CHST15: variants seen among roughly 807,000 people sequenced by gnomAD.
CHST15 encodes the protein B cell RAG associated protein (GALNAC4S-6ST).
A neutral mutation model predicts 53.6 loss-of-function variants in CHST15; 30 were observed. The ratio of observed to expected loss-of-function variants is 0.56; its 90% CI spans 0.42 to 0.76. The LOEUF (loss-of-function observed/expected upper bound fraction) is 0.76, where lower values mean the gene tolerates loss of function less well. CHST15 is among the 30% of genes least tolerant of loss of function. CHST15 has a pLI of 0.00. For synonymous variants in CHST15, 296 were observed against 289.8 expected, an observed-to-expected ratio of 1.02 and a Z score of -0.22; for missense variants, 627 against 740.5, an observed-to-expected ratio of 0.85 and a Z score of 1.78.
At chr10:124,012,752 A>C (rs948339106) in intron 6 of CHST15, among the ~76,000 whole-genome samples, 4 of 152,208 alleles carry the variant, frequency 2.6e-5, no homozygotes, top group African/African-American at 9.7e-5. Flanking sequence ...TAAGGACTGA[A>C]GTGCAGGGAA....
intron 5 of CHST15, among the ~76,000 whole-genome samples, chr10:124,027,101 C>T (rs1336384111): frequency 6.6e-6 from 1 of 152,190 alleles, no homozygotes; most frequent in East Asian, 1.9e-4. Context: ...AGGACTGTTT[C>T]CAACGACAAT....
intron 1 of CHST15, among the ~76,000 whole-genome samples, chr10:124,078,634 C>G (rs544644777): frequency 2.1e-4 from 32 of 152,286 alleles, no homozygotes; most frequent in South Asian, 1.5e-3. Flanking sequence ...AATTCATCCT[C>G]CAGTATTTGT....
intron 6 of CHST15, 28 bp downstream of exon 6, chr10:124,021,228 G>A (rs749419278): frequency 6.5e-6 from 10 of 1,539,632 alleles, no homozygotes; most frequent in Admixed American, 5.7e-5. Flanking sequence ...GGGCCAGCTC[G>A]GGGGGTACGG....
chr10:124,014,322 T>C (rs898388365), intron 6 of CHST15, among the ~76,000 whole-genome samples: 5 of 152,234 alleles, frequency 3.3e-5, no homozygotes, highest in African/African-American at 1.2e-4. Flanking sequence ...CAATGAAAGA[T>C]TGGGCAAAAT....
intron 1 of CHST15, among the ~76,000 whole-genome samples, chr10:124,070,703 T>C (rs1434537851): frequency 6.6e-6 from 1 of 152,152 alleles, no homozygotes; most frequent in Non-Finnish European, 1.5e-5. Context: ...AGCCCTACTC[T>C]ATGTCAGGCT....
In CHST15 at chr10:124,044,936, G is replaced by A. The variant is rs1361161590; in HGVS notation, c.547-17C>T. The A allele has an allele frequency of 6.3e-6, 9 of 1,430,198 alleles. No homozygotes were observed. Among genetic ancestry groups the A allele is most frequent in the Non-Finnish European group, 8.3e-6 (9 of 1,086,534 alleles). 88.6% of individuals were successfully genotyped at this position (1,430,198 alleles called of 1,614,324 possible). A position where few individuals can be genotyped will look rare whatever the true frequency, so the allele number is the denominator to read the frequency against. ...TGAAAACATCTGCAAGGAAACAGAG[G>A]AGGAGAGACACAGAGGAGGGGAAAA... is the stretch of plus-strand genomic sequence containing the variant. On this transcript the variant is annotated splice_polypyrimidine_tract_variant and intron_variant, in intron 2 of 7. Coordinates refer to ENST00000435907, the MANE Select transcript of CHST15 (RefSeq NM_001270764.2).
At chr10:124,079,019 G>A (rs550198936) in intron 1 of CHST15, among the ~76,000 whole-genome samples, 18 of 152,322 alleles carry the variant, frequency 1.2e-4, no homozygotes, top group Admixed American at 5.9e-4. Context: ...CTCTGAGCAA[G>A]CATTCAGCAT....
At chr10:124,035,387 G>GCCCCCTAACAGAGACCCTGGCTCCA (rs1564869724) in intron 5 of CHST15, among the ~76,000 whole-genome samples, 42 of 83,728 alleles carry the variant, frequency 5.0e-4, no homozygotes, top group African/African-American at 2.0e-3. Flanking sequence ...CCCTGGCTCC[G>GCCCCCTAACAGAGACCCTGGCTCCA]CCCCCTAACA....
chr10:124,009,176 G>A lies in CHST15; in HGVS notation c.*973C>T. 2 of 1,183,622 alleles carry A rather than the reference G, an allele frequency of 1.7e-6. No individual in the cohort carries two copies. The highest frequency in any genetic ancestry group is 1.6e-5 in the South Asian group (1 of 64,304). 73.3% of individuals were successfully genotyped at this position (1,183,622 alleles called of 1,614,324 possible). A position where few individuals can be genotyped will look rare whatever the true frequency, so the allele number is the denominator to read the frequency against. On this transcript the variant is annotated 3_prime_UTR_variant, in exon 8 of 8. Coordinates refer to ENST00000435907, the MANE Select transcript of CHST15 (RefSeq NM_001270764.2). ...AAAAATTAAAATCCTCTGTTTCTCT[G>A]ATGATCTTGTAAACCTGATGAGGGC...
chr10:124,043,152 G>C (rs1476803403), intron 3 of CHST15, among the ~76,000 whole-genome samples: 2 of 152,204 alleles, frequency 1.3e-5, no homozygotes, highest in East Asian at 3.8e-4. Flanking sequence ...ATGGAAATTG[G>C]AAAGAGAACA....
intron 6 of CHST15, among the ~76,000 whole-genome samples, chr10:124,015,164 A>G (rs1046682752): frequency 1.3e-5 from 2 of 152,152 alleles, no homozygotes; most frequent in Non-Finnish European, 2.9e-5. Flanking sequence ...CAGTATCACT[A>G]CTGCAACCAT....
intron 5 of CHST15, among the ~76,000 whole-genome samples, chr10:124,032,094 C>T (rs1227079345): frequency 3.3e-5 from 5 of 152,212 alleles, no homozygotes; most frequent in African/African-American, 1.2e-4. Flanking sequence ...TCATTAAAAG[C>T]CTGCTTCCTT....
At chr10:124,070,956 C>T (rs569707286) in intron 1 of CHST15, among the ~76,000 whole-genome samples, 5 of 152,286 alleles carry the variant, frequency 3.3e-5, no homozygotes, top group South Asian at 4.1e-4. Flanking sequence ...CCAGAAACAG[C>T]GGGGCAAAGG....
At chr10:124,088,591 C>T (rs1488340265) in intron 1 of CHST15, among the ~76,000 whole-genome samples, 2 of 152,198 alleles carry the variant, frequency 1.3e-5, no homozygotes, top group South Asian at 2.1e-4. Flanking sequence ...CTGCCTCTAC[C>T]GTCATTCCCA....
At chr10:124,033,899 C>T (rs1947321256) in intron 5 of CHST15, among the ~76,000 whole-genome samples, 1 of 152,216 alleles carries the variant, frequency 6.6e-6, no homozygotes, top group African/African-American at 2.4e-5. Context: ...TCCTGACCCC[C>T]AGAAACTGTT....
At chr10:124,048,400 G>T (rs946182175) in intron 1 of CHST15, among the ~76,000 whole-genome samples, 2 of 152,198 alleles carry the variant, frequency 1.3e-5, no homozygotes, top group African/African-American at 2.4e-5. Flanking sequence ...CCTGAGTCCT[G>T]CAGAGGCGCT....
chr10:124,087,171 C>A (rs1949457649), intron 1 of CHST15, among the ~76,000 whole-genome samples: 1 of 152,196 alleles, frequency 6.6e-6, no homozygotes, highest in Non-Finnish European at 1.5e-5. Flanking sequence ...CTCTGAAATG[C>A]AGGCTCTGGC....
At chr10:124,025,410 C>T (rs912257855) in intron 5 of CHST15, among the ~76,000 whole-genome samples, 1 of 152,190 alleles carries the variant, frequency 6.6e-6, no homozygotes, top group Non-Finnish European at 1.5e-5. Context: ...AAAGAGACTC[C>T]TTTGGCCTCT....
chr10:124,010,922 G>C, intron 7 of CHST15: 1 of 985,486 alleles, frequency 1.0e-6, no homozygotes, highest in African/African-American at 1.7e-5. Flanking sequence ...AAGGAGATCA[G>C]GGAGAAGAGG....
Sources: allele counts gnomAD v4.1 joint callset (sites outside exome capture counted in the v4.1 genomes callset), GRCh38; gene constraint gnomAD v4.1.1; transcripts MANE v1.5; gene names NCBI Gene and HGNC (gene_info 2026-07-23, HGNC 2026-07-21).